Variants in ZNF500 observed in about 807,000 individuals in gnomAD.
The protein encoded by ZNF500 is zinc finger protein 500.
A neutral mutation model predicts 30.1 loss-of-function variants in ZNF500; 31 were observed. The ratio of observed to expected loss-of-function variants is 1.03; its 90% CI spans 0.77 to 1.39. ZNF500 has a LOEUF of 1.39. ZNF500 is among the 40% of genes most tolerant of loss of function. ZNF500 has a pLI of 0.00. For synonymous variants in ZNF500, 392 were observed against 282.0 expected, an observed-to-expected ratio of 1.39 and a Z score of -3.91; for missense variants, 817 against 657.8, an observed-to-expected ratio of 1.24 and a Z score of -2.65.
At position 4,752,863 on chromosome 16, in the gene ZNF500, T is replaced by C. The variant is rs769131952; in HGVS notation, c.956A>G (p.His319Arg). Residue 319 changes from histidine to arginine, a missense_variant, in exon 6 of 6, where the codon CAT (histidine) becomes CGT (arginine). His to Arg is a conservative substitution (Grantham distance 29). Transcript: ENST00000219478. Reference protein sequence around the residue: ...GGPPPGRRASHGADKPYTCPE... With the variant: ...GGPPPGRRASRGADKPYTCPE... ...GCAGGTGTACGGCTTGTCAGCCCCA[T>C]GGGAAGCCCGTCTTCCTGGTGGGGG... 1.2e-6 allele frequency: 2 copies of C among 1,614,062 alleles called. No homozygotes were observed. The highest frequency in any genetic ancestry group is 1.1e-5 in the South Asian group (1 of 91,088).
rs773439885 is a variant in ZNF500 at position 4,760,499 on chromosome 16, C to A, written c.753G>T (p.Glu251Asp). Residue 251 changes from glutamate to aspartate, a missense_variant, in exon 5 of 6, where the codon GAG (glutamate) becomes GAT (aspartate). Glu to Asp is a conservative substitution (Grantham distance 45). Coordinates refer to ENST00000219478, the MANE Select transcript of ZNF500 (RefSeq NM_021646.4). Reference sequence around the variant, plus strand: ...CAATCACTTGCAAGTTACCTTCATTCTCCAGCGGCGCGTCCCGCTGAGCTG... The same window carrying A: ...CAATCACTTGCAAGTTACCTTCATTATCCAGCGGCGCGTCCCGCTGAGCTG... The part of the protein sequence containing the change: ...MDPAQRDAPL[E>D]NEGPGIQLED... 4 of 1,613,506 alleles carry A rather than the reference C, an allele frequency of 2.5e-6. No individual in the cohort carries two copies. In the Admixed American group the frequency reaches 5.0e-5, roughly 20 times the overall value.
chr16:4,760,749 T>G (rs955783779), intron 4 of ZNF500, among the ~76,000 whole-genome samples, 161 bp from the exon 5 acceptor site: 1 of 152,206 alleles, frequency 6.6e-6, no homozygotes, highest in South Asian at 2.1e-4. Context: ...TGGTGAGTCC[T>G]GGTGTCTCCG....
downstream of ZNF500, chr16:4,746,808 G>A (rs1596488223): frequency 1.0e-6 from 1 of 967,082 alleles, no homozygotes. Context: ...CCGGCCTCCA[G>A]TGTGGCTGCT....
rs1567534468 is a variant in ZNF500 at position 4,761,888 on chromosome 16, A to AAAC, written c.663+382_663+383insGTT. Reference sequence around the variant, plus strand: ...ACAAACAAACAAACAAACAAACAAAAACCCCAAAAAAACCAGCAAGCAAAC... The same window carrying AAAC: ...ACAAACAAACAAACAAACAAACAAAAAACACCCCAAAAAAACCAGCAAGCAAAC... On this transcript the variant is annotated intron_variant, in intron 4 of 5. Coordinates refer to ENST00000219478, the MANE Select transcript of ZNF500 (RefSeq NM_021646.4). Among the ~76,000 whole-genome samples, 173 of 145,418 alleles carry AAAC rather than the reference A, an allele frequency of 1.2e-3. 1 individual carries two copies. The highest frequency in any genetic ancestry group is 4.3e-3 in the African/African-American group (160 of 36,902).
chr16:4,765,615 C>T lies in ZNF500; in HGVS notation c.364G>A (p.Val122Met), dbSNP rs750481903. 5.6e-6 allele frequency: 9 copies of T among 1,612,556 alleles called. No homozygotes were observed. Among genetic ancestry groups the T allele is most frequent in the African/African-American group, 4.0e-5 (3 of 74,894 alleles). ...EQQPESGEEAVVLVEGLQRKP... is the reference protein window; with the variant it reads ...EQQPESGEEAMVLVEGLQRKP... ...CGCTGCAGCCCTTCCACAAGGACCA[C>T]GGCCTCCTCACCGCTCTCCGGCTGC... Residue 122 changes from valine to methionine, a missense_variant, in exon 2 of 6, where the codon GTG (valine) becomes ATG (methionine). Transcript: ENST00000219478.
chr16:4,764,698 C>T (rs865947609), intron 2 of ZNF500, among the ~76,000 whole-genome samples: 19 of 147,670 alleles, frequency 1.3e-4, no homozygotes, highest in Admixed American at 1.4e-4. Flanking sequence ...AGGAGAATGG[C>T]GTGAATCCGG....
chr16:4,746,994 G>T (rs1302075607), downstream of ZNF500: 1 of 1,542,878 alleles, frequency 6.5e-7, no homozygotes, highest in East Asian at 2.4e-5. Flanking sequence ...GGGAGACGCA[G>T]AGGGGGCATC....
chr16:4,751,781 A>G lies in ZNF500; in HGVS notation c.*595T>C. 1 of 769,832 alleles carries G rather than the reference A, an allele frequency of 1.3e-6. No homozygotes were observed. The highest frequency in any genetic ancestry group is 2.1e-6 in the Non-Finnish European group (1 of 468,532). The allele number at this position is 769,832 out of a possible 1,614,324, so 47.7% of individuals were successfully genotyped here. ...AAAGAGACTGGGCATGGCGGCACAC[A>G]CCTGTAACCCCAGCTACTCAGGAGG... On this transcript the variant is annotated 3_prime_UTR_variant, in exon 6 of 6. Coordinates refer to ENST00000219478, the MANE Select transcript of ZNF500 (RefSeq NM_021646.4).
intron 4 of ZNF500, among the ~76,000 whole-genome samples, chr16:4,761,398 C>G (rs1050777900): frequency 6.6e-6 from 1 of 151,612 alleles, no homozygotes; most frequent in Admixed American, 6.6e-5. Context: ...CGAGATCGCA[C>G]CATTGCACTC....
At position 4,760,555 on chromosome 16, in the gene ZNF500, G is replaced by A. The variant is rs781002026; in HGVS notation, c.697C>T (p.Leu233Phe). The change falls in exon 5 of 6, where the codon CTT becomes TTT. Residue 233 changes from leucine (L) to phenylalanine (F), a missense_variant. By Grantham distance (22) the Leu-to-Phe change is conservative. Coordinates refer to ENST00000219478, the MANE Select transcript of ZNF500 (RefSeq NM_021646.4). ...ATGCATCTTGGCTCCTCCCCAGAAAGGTATACAGCCACGTCCTCCAAGTTC... is the reference window on the plus strand; with the variant it reads ...ATGCATCTTGGCTCCTCCCCAGAAAAGTATACAGCCACGTCCTCCAAGTTC... ...PVNLEDVAVY[L>F]SGEEPRCMDP... 7 of 1,613,622 alleles carry A rather than the reference G, an allele frequency of 4.3e-6. No homozygotes were observed. Among genetic ancestry groups the A allele is most frequent in the Non-Finnish European group, 5.1e-6 (6 of 1,179,782 alleles).
At chr16:4,764,111 C>G (rs2082236676) in intron 2 of ZNF500, 1 of 985,360 alleles carries the variant, frequency 1.0e-6, no homozygotes, top group Non-Finnish European at 1.2e-6. Context: ...GAGGCACTGT[C>G]TATAGAGATT....
rs373688342 is a variant in ZNF500, at chr16:4,760,564, C to A, written c.688G>T (p.Ala230Ser). 19 of 1,613,542 alleles carry A rather than the reference C, an allele frequency of 1.2e-5. No homozygotes were observed. The African/African-American group carries it at 2.5e-4, about 22-fold the overall frequency. ...GGCTCCTCCCCAGAAAGGTATACAGCCACGTCCTCCAAGTTCACGGGCACC... is the reference window on the plus strand; with the variant it reads ...GGCTCCTCCCCAGAAAGGTATACAGACACGTCCTCCAAGTTCACGGGCACC... Reference protein sequence around the residue: ...SQVPVNLEDVAVYLSGEEPRC... With the variant: ...SQVPVNLEDVSVYLSGEEPRC... Residue 230 changes from alanine (A) to serine (S), a missense_variant, in exon 5 of 6, where the codon GCT (alanine) becomes TCT (serine). Physicochemically the swap from Ala to Ser is moderately conservative, Grantham distance 99. Transcript: ENST00000219478.
downstream of ZNF500, chr16:4,747,278 A>T: frequency 6.7e-7 from 1 of 1,491,212 alleles, no homozygotes; most frequent in Non-Finnish European, 9.0e-7. Context: ...CTCCTGTTTC[A>T]GTAAGGAGGG....
intron 5 of ZNF500, among the ~76,000 whole-genome samples, chr16:4,753,678 C>T (rs2082108261): frequency 6.6e-6 from 1 of 152,234 alleles, no homozygotes; most frequent in African/African-American, 2.4e-5. Context: ...GGGGTTCCCA[C>T]CCAGTGGCAA....
chr16:4,755,003 A>G (rs1406047385), intron 5 of ZNF500, among the ~76,000 whole-genome samples: 1 of 152,218 alleles, frequency 6.6e-6, no homozygotes, highest in African/African-American at 2.4e-5. Context: ...TGCTCCAGCC[A>G]TGTGAGACAT....
intron 5 of ZNF500, among the ~76,000 whole-genome samples, chr16:4,756,990 GA>G (rs1238396208): frequency 6.6e-6 from 1 of 150,730 alleles, no homozygotes; most frequent in Non-Finnish European, 1.5e-5. Context: ...CTCAAAAAAA[GA>G]AAAAAAAAGT....
chr16:4,747,743 C>T, downstream of ZNF500: 10 of 1,313,046 alleles, frequency 7.6e-6, no homozygotes, highest in Non-Finnish European at 1.0e-5. Context: ...ATTCCAGAGG[C>T]AGGGACCCTC....
intron 2 of ZNF500, chr16:4,763,052 G>A (rs764859812): frequency 2.1e-5 from 21 of 985,326 alleles, no homozygotes; most frequent in Non-Finnish European, 2.2e-5. Context: ...AGAGCCCTGA[G>A]TCAGCGCTGG....
intron 2 of ZNF500, chr16:4,763,697 T>C: frequency 3.0e-6 from 3 of 984,718 alleles, no homozygotes; most frequent in Non-Finnish European, 3.6e-6. Context: ...GAGGTGTCGG[T>C]GCAGTGACAG....
Sources: gnomAD v4.1 joint callset for allele counts (sites outside exome capture counted in the v4.1 genomes callset) on GRCh38, gnomAD v4.1.1 for gene constraint, MANE v1.5 for transcripts, NCBI Gene and HGNC (gene_info 2026-07-23, HGNC 2026-07-21) for gene names.